COL6A3: variants seen among roughly 807,000 people sequenced by gnomAD.
The protein encoded by COL6A3 is collagen type VI alpha 3 chain.
COL6A3 carries 137 observed loss-of-function variants against 274.1 expected under a neutral mutation model. The ratio of observed to expected loss-of-function variants is 0.50; its 90% CI spans 0.44 to 0.58. COL6A3 has a LOEUF of 0.58. COL6A3 is among the 20% of genes least tolerant of loss of function. The pLI, the probability that COL6A3 is intolerant of heterozygous loss-of-function variation, is 0.00. For synonymous variants in COL6A3, 1,650 were observed against 1,650.6 expected (o/e 1.00, Z 0.01); for missense variants, 3,950 against 4,124.9 (o/e 0.96, Z 1.16).
At position 237,353,353 on chromosome 2, in the gene COL6A3, G is replaced by A; in HGVS notation, c.6678C>T (p.Thr2226=). 15 of 1,614,092 alleles carry A rather than the reference G, an allele frequency of 9.3e-6. No individual in the cohort carries two copies. Among genetic ancestry groups the A allele is most frequent in the Non-Finnish European group, 1.3e-5 (15 of 1,179,990 alleles). The change falls in exon 25 of 44, where the codon ACC becomes ACT. Residue 2226 remains threonine (T), a synonymous_variant. Transcript: ENST00000295550. Reference sequence around the variant, plus strand: ...CGGAAGCACTCACCTGTGCACCTCTGGTCCCCTGCTCTCCCTCAAAGCCCG... The same window carrying A: ...CGGAAGCACTCACCTGTGCACCTCTAGTCCCCTGCTCTCCCTCAAAGCCCG... The part of the protein sequence containing the change: ...GQPGFEGEQG[T]RGAQGPAGPA...
chr2:237,348,736 G>T (rs547463780), intron 28 of COL6A3, 73 bp from the exon 29 acceptor site: 3 of 1,367,698 alleles, frequency 2.2e-6, no homozygotes, highest in Non-Finnish European at 1.0e-6. Context: ...CTGCCCTGCC[G>T]CTGCCCCTGA....
At chr2:237,378,477 C>A (rs939643998) in intron 6 of COL6A3, among the ~76,000 whole-genome samples, 159 bp downstream of exon 6, 4 of 152,230 alleles carry the variant, frequency 2.6e-5, no homozygotes, top group Admixed American at 2.6e-4. Flanking sequence ...TCCAGCCTTG[C>A]TGGTACAGTG....
At chr2:237,365,037 G>A (rs1477177174) in intron 12 of COL6A3, among the ~76,000 whole-genome samples, 1 of 150,582 alleles carries the variant, frequency 6.6e-6, no homozygotes, top group African/African-American at 2.5e-5. Context: ...TTTGGAGATA[G>A]GGTCTTTAAA....
intron 28 of COL6A3, 128 bp from the exon 29 acceptor site, chr2:237,348,791 A>G (rs910408381): frequency 1.3e-6 from 1 of 785,468 alleles, no homozygotes; most frequent in Non-Finnish European, 2.2e-6. Context: ...ACTAAGGTAC[A>G]GGAGTAGGCA....
rs1334986893 is a variant in COL6A3, at chr2:237,388,073, A to T, written c.821T>A (p.Ile274Asn). ...CCCCACTCGGATCTGCTGAGTTCCA[A>T]TTGGGAGTTTCTCAAGGAGATTTAC... Reference protein sequence around the residue: ...FLVNLLEKLPIGTQQIRVGVV... With the variant: ...FLVNLLEKLPNGTQQIRVGVV... Residue 274 changes from isoleucine (I) to asparagine (N), a missense_variant, in exon 4 of 44, where the codon ATT becomes AAT. Ile to Asn is a moderately radical substitution (Grantham distance 149). Around this residue, in one of 5 missense-constraint regions of COL6A3, gnomAD observed 1,934 missense variants for 1,984.3 expected, o/e 0.97. Coordinates refer to ENST00000295550, the MANE Select transcript of COL6A3 (RefSeq NM_004369.4). The T allele has an allele frequency of 1.6e-5, 26 of 1,614,106 alleles. No homozygotes were observed. The highest frequency in any genetic ancestry group is 2.2e-5 in the East Asian group (1 of 44,898).
chr2:237,381,550 T>A, intron 4 of COL6A3, 51 bp from the exon 5 acceptor site: 1 of 1,428,330 alleles, frequency 7.0e-7, no homozygotes, highest in South Asian at 1.2e-5. Flanking sequence ...CCAAGCACAA[T>A]CAACAATGAC....
Position 237,340,766 on chromosome 2 carries a change from C to A in COL6A3, c.8150G>T (p.Ser2717Ile), listed in dbSNP as rs763974888. The change falls in exon 38 of 44, where the codon AGT (serine) becomes ATT (isoleucine). Residue 2717 changes from serine (S) to isoleucine (I), a missense_variant. Transcript: ENST00000295550. ...TQLQGTRALG[S>I]AIEYTIENVF... ...ATTCTCTATGGTGTATTCAATGGCA[C>A]TGCCTAAGGCCCTGGTTCCCTGCAA... 1 of 1,614,194 alleles carries A rather than the reference C, an allele frequency of 6.2e-7. No homozygotes were observed.
intron 3 of COL6A3, among the ~76,000 whole-genome samples, chr2:237,391,251 G>T (rs565065123): frequency 2.0e-5 from 3 of 151,876 alleles, no homozygotes; most frequent in African/African-American, 7.3e-5. Flanking sequence ...ACACATGAAT[G>T]GATTAATTTT....
chr2:237,341,979 GATC>G (rs758506738), intron 37 of COL6A3, 83 bp downstream of exon 37: 59 of 1,137,756 alleles, frequency 5.2e-5, no homozygotes, highest in East Asian at 5.1e-4. Flanking sequence ...TCTTTTTACA[GATC>G]ATCATTATTC....
rs2077920362 is a variant in COL6A3, at chr2:237,378,817, C to T, written c.2316G>A (p.Leu772=). 9 of 1,614,250 alleles carry T rather than the reference C, an allele frequency of 5.6e-6. No individual in the cohort carries two copies. Among genetic ancestry groups the T allele is most frequent in the Non-Finnish European group, 7.6e-6 (9 of 1,180,044 alleles). The part of the protein sequence containing the change: ...AANALTRAGI[L]TFCVGASQAN... ...CCTGGCTAGCTCCCACACAAAAAGT[C>T]AGGATGCCCGCGCGTGTCAAGGCGT... is the stretch of plus-strand genomic sequence containing the variant. Residue 772 remains leucine, a synonymous_variant, in exon 6 of 44, where the codon CTG becomes CTA. Transcript: ENST00000295550.
In COL6A3 at chr2:237,370,025, A is replaced by G. The variant is rs958566278; in HGVS notation, c.4286-848T>C. On this transcript the variant is annotated intron_variant, in intron 9 of 43. Transcript: ENST00000295550. ...GCCTTTATTTTTTAAATTTCATTAAAATTTTTTTTTTTAATTTTTTGGATG... is the reference window on the plus strand; with the variant it reads ...GCCTTTATTTTTTAAATTTCATTAAGATTTTTTTTTTTAATTTTTTGGATG... 2.0e-5 allele frequency among the ~76,000 whole-genome samples: 3 copies of G among 151,034 alleles called. No individual in the cohort carries two copies. The East Asian group carries it at 5.8e-4, about 29-fold the overall frequency.
Position 237,364,319 on chromosome 2 carries a change from C to A in COL6A3, c.5917+31G>T. 1 of 1,574,606 alleles carries A rather than the reference C, an allele frequency of 6.4e-7. No homozygotes were observed. The highest frequency in any genetic ancestry group is 8.7e-7 in the Non-Finnish European group (1 of 1,144,844). Reference sequence around the variant, plus strand: ...GTACACCCCGCCTCACCAGGGTTTACTTCTCATATTTAGAAAGCCTTGGCA... The same window carrying A: ...GTACACCCCGCCTCACCAGGGTTTAATTCTCATATTTAGAAAGCCTTGGCA... On this transcript the variant is annotated intron_variant, in intron 13 of 43. Transcript: ENST00000295550. This position sits in a 1 kb window ranked among gnomAD's most constrained non-coding sequence, Gnocchi z 4.6.
chr2:237,397,425 AAG>A (rs2078477221), intron 1 of COL6A3, among the ~76,000 whole-genome samples: 2 of 145,090 alleles, frequency 1.4e-5, no homozygotes, highest in African/African-American at 5.0e-5. Flanking sequence ...GAAAGAAAGA[AAG>A]AGAGAAGGAA....
At chr2:237,357,911 G>A (rs1335066304) in intron 21 of COL6A3, 29 bp from the exon 22 acceptor site, 3 of 1,602,938 alleles carry the variant, frequency 1.9e-6, no homozygotes, top group Non-Finnish European at 2.6e-6. Flanking sequence ...AGGGAAATGA[G>A]CCACATATGG....
rs2078184502 is a variant in COL6A3, at chr2:237,387,769, G to A, written c.1125C>T (p.Phe375=). 6.2e-7 allele frequency: 1 copy of A among 1,614,012 alleles called. No individual in the cohort carries two copies. Reference sequence around the variant, plus strand: ...CGGCCTGGGCTCCAAGGCCGAATGAGAACACGCTAGCCTGCTTCAGTGCTA... The same window carrying A: ...CGGCCTGGGCTCCAAGGCCGAATGAAAACACGCTAGCCTGCTTCAGTGCTA... The part of the protein sequence containing the change: ...GVVALKQASV[F]SFGLGAQAAS... Residue 375 remains phenylalanine, a synonymous_variant, in exon 4 of 44, where the codon TTC becomes TTT. Coordinates refer to ENST00000295550, the MANE Select transcript of COL6A3 (RefSeq NM_004369.4).
intron 32 of COL6A3, 111 bp downstream of exon 32, chr2:237,346,392 A>C: frequency 1.1e-6 from 1 of 921,030 alleles, no homozygotes; most frequent in Non-Finnish European, 1.8e-6. Context: ...CCAAGCAAAT[A>C]CAAAGAGAGC....
Position 237,371,987 on chromosome 2 carries a change from A to G in COL6A3, c.4030T>C (p.Ser1344Pro). The G allele has an allele frequency of 6.2e-7, 1 of 1,614,134 alleles. No individual in the cohort carries two copies. Among genetic ancestry groups the G allele is most frequent in the Non-Finnish European group, 8.5e-7 (1 of 1,180,020 alleles). ...EGVPQFLVLI[S>P]SGKSDDEVDD... ...ACCTCATCGTCAGACTTTCCAGACG[A>G]GATGAGGACCAGGAACTGCGGGACG... The change falls in exon 9 of 44, where the codon TCG becomes CCG. Residue 1344 changes from serine to proline, a missense_variant. Physicochemically the swap from Ser to Pro is moderately conservative, Grantham distance 74. Around this residue, in one of 5 missense-constraint regions of COL6A3, gnomAD observed 1,934 missense variants for 1,984.3 expected, o/e 0.97. Transcript: ENST00000295550. This position sits in a 1 kb window ranked among gnomAD's most constrained non-coding sequence, Gnocchi z 4.3.
chr2:237,342,327 A>G, intron 36 of COL6A3, 166 bp from the exon 37 acceptor site: 1 of 659,144 alleles, frequency 1.5e-6, no homozygotes, highest in Non-Finnish European at 2.7e-6. Flanking sequence ...GGCTCTGAGT[A>G]TAATAGAAAG....
rs1470974306 is a variant in COL6A3, at chr2:237,368,441, A to G, written c.4900+122T>C. ...CTACTTTTCCAGTATTTAATTTCTA[A>G]TATTATCTGAAGAAACAACCCAGAG... On this transcript the variant is annotated intron_variant, in intron 10 of 43. Coordinates refer to ENST00000295550, the MANE Select transcript of COL6A3 (RefSeq NM_004369.4). The surrounding 1 kb of genome is among the most constrained non-coding windows in gnomAD (Gnocchi z 4.4). 8.1e-7 allele frequency: 1 copy of G among 1,229,136 alleles called. No individual in the cohort carries two copies. The highest frequency in any genetic ancestry group is 1.5e-5 in the African/African-American group (1 of 64,974). 76.1% of individuals were successfully genotyped at this position (1,229,136 alleles called of 1,614,324 possible).
Sources: gnomAD v4.1 joint callset for allele counts (sites outside exome capture counted in the v4.1 genomes callset) on GRCh38, gnomAD v4.1.1 for gene constraint, gnomAD v4.1.1 regional missense constraint, Gnocchi (gnomAD v3.1) non-coding constraint, MANE v1.5 for transcripts, NCBI Gene and HGNC (gene_info 2026-07-23, HGNC 2026-07-21) for gene names.